KLF12: variants seen among roughly 807,000 people sequenced by gnomAD.
The protein encoded by KLF12 is KLF transcription factor 12, also known as Krueppel-like factor 12.
KLF12 carries 9 observed loss-of-function variants against 37.8 expected under a neutral mutation model. The observed-to-expected ratio is 0.24, with a 90% confidence interval of 0.14 to 0.42. The LOEUF is 0.42. KLF12 is among the 10% of genes least tolerant of loss of function. The pLI is 1.00. For synonymous variants in KLF12, 208 were observed against 202.1 expected (o/e 1.03, Z -0.25); for missense variants, 411 against 516.0 (o/e 0.80, Z 1.97).
chr13:74,231,231 G>A, the KLF12 span, among the ~76,000 whole-genome samples: 1 of 151,652 alleles, frequency 6.6e-6, no homozygotes, highest in East Asian at 1.9e-4. Context: ...GTATCTCCAG[G>A]GCTTATCGCT....
chr13:73,909,416 T>C (rs1888467381), intron 3 of KLF12, among the ~76,000 whole-genome samples: 1 of 152,212 alleles, frequency 6.6e-6, no homozygotes, highest in South Asian at 2.1e-4. Context: ...GCATACAACA[T>C]CAACAATAAA....
At chr13:73,941,269 A>G (rs1246236994) in intron 3 of KLF12, among the ~76,000 whole-genome samples, 2 of 152,134 alleles carry the variant, frequency 1.3e-5, no homozygotes, top group Non-Finnish European at 2.9e-5. Context: ...TCAAAAGTCC[A>G]TAATCAGCTG....
chr13:73,842,458 G>C (rs1047601730), intron 4 of KLF12, among the ~76,000 whole-genome samples: 3 of 152,122 alleles, frequency 2.0e-5, no homozygotes, highest in African/African-American at 7.2e-5. Context: ...GCCCAACACT[G>C]TATCTTTGGT....
At chr13:74,168,523 A>G in the KLF12 span, among the ~76,000 whole-genome samples, 4 of 152,184 alleles carry the variant, frequency 2.6e-5, no homozygotes, top group Non-Finnish European at 5.9e-5. Context: ...CGACACAGAG[A>G]CCATGTGCCT....
intron 1 of KLF12, among the ~76,000 whole-genome samples, chr13:74,007,283 A>T (rs928669892): frequency 4.7e-4 from 68 of 145,928 alleles, no homozygotes; most frequent in Non-Finnish European, 7.7e-4. Flanking sequence ...GGATATTTTT[A>T]TTTTTTTTTT....
chr13:74,003,458 T>C (rs1025357836), intron 1 of KLF12, among the ~76,000 whole-genome samples: 2 of 152,168 alleles, frequency 1.3e-5, no homozygotes, highest in Non-Finnish European at 2.9e-5. Flanking sequence ...CCTGTTGATA[T>C]GAAAGGGGGA....
At chr13:74,115,383 G>A (rs926522252) in intron 1 of KLF12, among the ~76,000 whole-genome samples, 4 of 152,106 alleles carry the variant, frequency 2.6e-5, no homozygotes, top group Non-Finnish European at 5.9e-5. Context: ...GGAAAAGCAA[G>A]GCCATAACTC....
chr13:74,297,299 A>G, the KLF12 span, among the ~76,000 whole-genome samples: 4 of 152,164 alleles, frequency 2.6e-5, no homozygotes, highest in African/African-American at 9.7e-5. Flanking sequence ...ATGTCAGGTG[A>G]GAAAATAGTG....
the KLF12 span, among the ~76,000 whole-genome samples, chr13:74,165,743 C>T: frequency 2.6e-5 from 4 of 152,202 alleles, no homozygotes; most frequent in Non-Finnish European, 5.9e-5. Flanking sequence ...GCCAGGTTTC[C>T]CTGATGTCTC....
At position 73,848,447 on chromosome 13, in the gene KLF12, T is replaced by C. The variant is rs74748142; in HGVS notation, c.124-2074A>G. Among the ~76,000 whole-genome samples the C allele has an allele frequency of 4.5e-3, 687 of 151,956 alleles. 6 individuals are homozygous for C. Among genetic ancestry groups the C allele is most frequent in the East Asian group, 0.015 (76 of 5,184 alleles). On this transcript the variant is annotated intron_variant, in intron 3 of 7. Coordinates refer to ENST00000377669, the MANE Select transcript of KLF12 (RefSeq NM_007249.5). ...AAGTCTACCTCTTGTGGGTATCTTCTTAATCTCTTACTGAGGAAAATATTT... is the reference window on the plus strand; with the variant it reads ...AAGTCTACCTCTTGTGGGTATCTTCCTAATCTCTTACTGAGGAAAATATTT...
the KLF12 span, among the ~76,000 whole-genome samples, chr13:74,241,222 C>T: frequency 6.6e-6 from 1 of 151,050 alleles, no homozygotes; most frequent in Non-Finnish European, 1.5e-5. Flanking sequence ...GTCAGTGTGC[C>T]CCTGCTGGGG....
intron 1 of KLF12, among the ~76,000 whole-genome samples, chr13:74,071,321 G>A (rs1874222904): frequency 6.6e-6 from 1 of 152,052 alleles, no homozygotes; most frequent in Non-Finnish European, 1.5e-5. Flanking sequence ...TGAATCAATT[G>A]CTATTTCATA....
At chr13:73,994,148 A>G (rs1201847349) in intron 2 of KLF12, among the ~76,000 whole-genome samples, 2 of 152,218 alleles carry the variant, frequency 1.3e-5, no homozygotes, top group Non-Finnish European at 2.9e-5. Flanking sequence ...AATCACTTGT[A>G]AGTAGCTGTG....
chr13:74,020,062 T>C (rs1487529434), intron 1 of KLF12, among the ~76,000 whole-genome samples: 3 of 152,256 alleles, frequency 2.0e-5, no homozygotes, highest in African/African-American at 7.2e-5. Flanking sequence ...AAACAAATCA[T>C]TCCTACATGG....
chr13:74,173,868 G>A, the KLF12 span, among the ~76,000 whole-genome samples: 1 of 152,180 alleles, frequency 6.6e-6, no homozygotes, highest in Non-Finnish European at 1.5e-5. Flanking sequence ...GAGTTTAGGA[G>A]CTCAGGGAAT....
chr13:73,759,341 C>G (rs185190287), intron 6 of KLF12, among the ~76,000 whole-genome samples: 9 of 152,204 alleles, frequency 5.9e-5, no homozygotes, highest in Middle Eastern at 3.4e-3. Context: ...AGTCAAGAAG[C>G]AAGGCAGTGA....
intron 6 of KLF12, among the ~76,000 whole-genome samples, chr13:73,726,492 T>C (rs149200306): frequency 8.1e-4 from 124 of 152,330 alleles, no homozygotes; most frequent in Middle Eastern, 3.4e-3. Flanking sequence ...TAAGAATTTG[T>C]CTATTCTGGA....
At chr13:74,089,956 C>G (rs566736407) in intron 1 of KLF12, among the ~76,000 whole-genome samples, 5 of 151,510 alleles carry the variant, frequency 3.3e-5, no homozygotes, top group African/African-American at 1.2e-4. Context: ...GATAGTAAGG[C>G]AAGAAAAAGA....
At chr13:73,993,125 T>C (rs960310712) in intron 2 of KLF12, among the ~76,000 whole-genome samples, 1 of 152,080 alleles carries the variant, frequency 6.6e-6, no homozygotes. Flanking sequence ...CCCAGCTACT[T>C]GGGAAGCTGA....
Sources: allele counts gnomAD v4.1 joint callset (sites outside exome capture counted in the v4.1 genomes callset), GRCh38; gene constraint gnomAD v4.1.1; transcripts MANE v1.5; gene names NCBI Gene and HGNC (gene_info 2026-07-23, HGNC 2026-07-21).